SIPA1L3: variants seen among roughly 807,000 people sequenced by gnomAD.
SIPA1L3 encodes signal induced proliferation associated 1 like 3, also known as signal-induced proliferation-associated 1-like protein 3.
A neutral mutation model predicts 150.1 loss-of-function variants in SIPA1L3; 59 were observed. The ratio of observed to expected loss-of-function variants is 0.39; its 90% CI spans 0.32 to 0.49. The LOEUF is 0.49. Ranked by LOEUF, SIPA1L3 falls within the 20% of genes least tolerant of loss-of-function variation. The pLI, the probability that SIPA1L3 is intolerant of heterozygous loss-of-function variation, is 0.86. For missense variants in SIPA1L3, 2,211 were observed against 2,489.5 expected, an observed-to-expected ratio of 0.89 and a Z score of 2.38; for synonymous variants, 1,070 against 1,077.6, an observed-to-expected ratio of 0.99 and a Z score of 0.14.
At position 38,039,567 on chromosome 19, in the gene SIPA1L3, G is replaced by A. The variant is rs1329137879; in HGVS notation, c.-311+10411G>A. ...AAATTAGCCTGACGTGGTGGCACGC[G>A]CATGTAATCCCAGCTACTCAGGAGG... On this transcript the variant is annotated intron_variant, in intron 2 of 21. Transcript: ENST00000222345. Among the ~76,000 whole-genome samples, 6 of 151,878 alleles carry A rather than the reference G, an allele frequency of 4.0e-5. No individual in the cohort carries two copies. In the South Asian group the frequency reaches 8.4e-4, roughly 21 times the overall value.
At chr19:37,964,150 G>A (rs767471921) in intron 1 of SIPA1L3, 3 of 152,142 alleles carry the variant, frequency 2.0e-5, no homozygotes, top group African/African-American at 7.2e-5. Context: ...GAATGCAGTA[G>A]TTCATACCTG....
In SIPA1L3 at chr19:37,942,360, G is replaced by A. The variant is rs111782583; in HGVS notation, c.-379+35002G>A. ...AGGCTGGAAAACTGGGGTCGTTGGG[G>A]GAGAGCCTCCTCGGGGTGGTGACAT... On this transcript the variant is annotated intron_variant, in intron 1 of 21. Coordinates refer to ENST00000222345, the MANE Select transcript of SIPA1L3 (RefSeq NM_015073.3). Among the ~76,000 whole-genome samples, 354 of 151,994 alleles carry A rather than the reference G, an allele frequency of 2.3e-3. 2 individuals carry two copies. Among genetic ancestry groups the A allele is most frequent in the African/African-American group, 8.3e-3 (345 of 41,430 alleles).
chr19:37,979,483 G>C (rs1967149826), intron 1 of SIPA1L3, among the ~76,000 whole-genome samples: 1 of 151,988 alleles, frequency 6.6e-6, no homozygotes, highest in African/African-American at 2.4e-5. Context: ...CTTGAGCCCG[G>C]GAGGCGGAGG....
At chr19:37,969,237 AAAAAGAAAAAAAG>A (rs2145589480) in intron 1 of SIPA1L3, among the ~76,000 whole-genome samples, 1 of 152,104 alleles carries the variant, frequency 6.6e-6, no homozygotes, top group Non-Finnish European at 1.5e-5. Flanking sequence ...CATCTCTGTT[AAAAAGAAAAAAAG>A]AAAAGAAAAA....
At chr19:37,939,422 G>GAAAA (rs1568470964) in intron 1 of SIPA1L3, among the ~76,000 whole-genome samples, 1 of 142,378 alleles carries the variant, frequency 7.0e-6, no homozygotes, top group African/African-American at 2.9e-5. Flanking sequence ...AAAAAAAAAG[G>GAAAA]ATTAGTTTCA....
At chr19:38,015,062 G>T (rs1003764504) in intron 1 of SIPA1L3, among the ~76,000 whole-genome samples, 1 of 151,488 alleles carries the variant, frequency 6.6e-6, no homozygotes, top group Non-Finnish European at 1.5e-5. Flanking sequence ...TGATCCTTCT[G>T]CCTCAGCCTC....
chr19:38,036,408 T>C (rs1365277010), intron 2 of SIPA1L3, among the ~76,000 whole-genome samples: 2 of 152,228 alleles, frequency 1.3e-5, no homozygotes, highest in African/African-American at 2.4e-5. Flanking sequence ...CACTTGGCTG[T>C]GATCCCTAAG....
intron 16 of SIPA1L3, among the ~76,000 whole-genome samples, chr19:38,188,791 C>T (rs913621577): frequency 2.6e-5 from 4 of 151,794 alleles, no homozygotes; most frequent in South Asian, 2.1e-4. Context: ...GGCGTGGTGG[C>T]GGGCACCTGT....
At chr19:38,012,372 T>C (rs1968124355) in intron 1 of SIPA1L3, among the ~76,000 whole-genome samples, 3 of 152,006 alleles carry the variant, frequency 2.0e-5, no homozygotes, top group Admixed American at 2.0e-4. Flanking sequence ...AGGTGTGAGC[T>C]ACCGTGAGTC....
At chr19:38,132,243 T>G (rs1253340556) in intron 10 of SIPA1L3, among the ~76,000 whole-genome samples, 1 of 146,406 alleles carries the variant, frequency 6.8e-6, no homozygotes, top group Non-Finnish European at 1.5e-5. Context: ...CATCTCTTTG[T>G]TTTTTAAACA....
At chr19:37,935,930 T>C (rs2046596587) in intron 1 of SIPA1L3, among the ~76,000 whole-genome samples, 2 of 152,078 alleles carry the variant, frequency 1.3e-5, no homozygotes. Context: ...CTGGCTACCA[T>C]GGGGTTCATT....
At chr19:38,030,898 G>T (rs985562868) in intron 2 of SIPA1L3, among the ~76,000 whole-genome samples, 1 of 152,046 alleles carries the variant, frequency 6.6e-6, no homozygotes, top group Non-Finnish European at 1.5e-5. Flanking sequence ...GGTGTGGGAG[G>T]TGGAAGGGGG....
At chr19:38,155,539 G>C (rs1029816423) in intron 13 of SIPA1L3, among the ~76,000 whole-genome samples, 1 of 152,192 alleles carries the variant, frequency 6.6e-6, no homozygotes, top group Admixed American at 6.5e-5. Flanking sequence ...TAGCCCCTTT[G>C]AAGTCTGAGA....
At chr19:38,041,212 T>C (rs1392857291) in intron 2 of SIPA1L3, among the ~76,000 whole-genome samples, 1 of 149,448 alleles carries the variant, frequency 6.7e-6, no homozygotes, top group Non-Finnish European at 1.5e-5. Context: ...GTTCAAGCAA[T>C]TCTCCTGCCT....
chr19:37,928,387 A>G (rs576424943), intron 1 of SIPA1L3, among the ~76,000 whole-genome samples: 2 of 152,102 alleles, frequency 1.3e-5, no homozygotes, highest in African/African-American at 2.4e-5. Context: ...CCTGGGCAAC[A>G]TGGTAAAACC....
chr19:37,981,971 G>A (rs529464251), intron 1 of SIPA1L3, among the ~76,000 whole-genome samples: 3 of 152,288 alleles, frequency 2.0e-5, no homozygotes, highest in African/African-American at 4.8e-5. Context: ...TTGTGAGCAC[G>A]TTAATCTATC....
In SIPA1L3 at chr19:38,177,506, C is replaced by T. The variant is rs566060345; in HGVS notation, c.4209-5013C>T. 9.2e-5 allele frequency among the ~76,000 whole-genome samples: 14 copies of T among 152,004 alleles called. No homozygotes were observed. The South Asian group carries it at 2.7e-3, about 29-fold the overall frequency. ...TGGGCAATTTAGTGAGACCCCATTC[C>T]CCACAAAAAGGGGGAAAAAAGGACA... is the stretch of plus-strand genomic sequence containing the variant. On this transcript the variant is annotated intron_variant, in intron 15 of 21. Coordinates refer to ENST00000222345, the MANE Select transcript of SIPA1L3 (RefSeq NM_015073.3).
chr19:37,925,187 C>G (rs750601229), intron 1 of SIPA1L3, among the ~76,000 whole-genome samples: 1 of 152,198 alleles, frequency 6.6e-6, no homozygotes, highest in Non-Finnish European at 1.5e-5. Context: ...CCGACCTCCC[C>G]GTGGCTCATG....
At chr19:37,951,724 C>T (rs2046765681) in intron 1 of SIPA1L3, among the ~76,000 whole-genome samples, 1 of 151,796 alleles carries the variant, frequency 6.6e-6, no homozygotes, top group African/African-American at 2.4e-5. Flanking sequence ...CAGTGAAACC[C>T]CGTCTCTACT....
Sources: allele counts gnomAD v4.1 joint callset (sites outside exome capture counted in the v4.1 genomes callset), GRCh38; gene constraint gnomAD v4.1.1; transcripts MANE v1.5; gene names NCBI Gene and HGNC (gene_info 2026-07-23, HGNC 2026-07-21).